MARCHF1: variants seen among roughly 807,000 people sequenced by gnomAD.
MARCHF1 encodes the protein membrane associated ring-CH-type finger 1.
MARCHF1 carries 40 observed loss-of-function variants against 54.2 expected under a neutral mutation model. That is an observed-to-expected ratio of 0.74 (90% CI 0.57 to 0.96). The LOEUF (loss-of-function observed/expected upper bound fraction) is 0.96. Among genes scored for constraint, MARCHF1 ranks in the 40% least tolerant of loss-of-function variants. MARCHF1 has a pLI of 0.00. For missense variants in MARCHF1, 586 were observed against 656.5 expected, an observed-to-expected ratio of 0.89 and a Z score of 1.17; for synonymous variants, 236 against 236.3, an observed-to-expected ratio of 1.00 and a Z score of 0.01.
chr4:164,100,450 T>C (rs1049814527), intron 2 of MARCHF1, among the ~76,000 whole-genome samples: 5 of 152,190 alleles, frequency 3.3e-5, no homozygotes, highest in Non-Finnish European at 7.4e-5. Flanking sequence ...AAAACAAATT[T>C]AATCCTGCAC....
At chr4:163,861,340 C>T (rs72685645) in intron 3 of MARCHF1, among the ~76,000 whole-genome samples, 14,816 of 151,968 alleles carry the variant, frequency 0.097, 744 homozygotes, top group African/African-American at 0.13. Flanking sequence ...AACATATGTA[C>T]AACCAGAATA....
chr4:164,212,369 G>A (rs562136901), intron 1 of MARCHF1, among the ~76,000 whole-genome samples: 2 of 152,266 alleles, frequency 1.3e-5, no homozygotes, highest in Admixed American at 1.3e-4. Context: ...AGTAAGCGAT[G>A]AGTCAGACTT....
intron 2 of MARCHF1, among the ~76,000 whole-genome samples, chr4:164,066,821 G>T (rs1330232697): frequency 2.0e-5 from 3 of 152,138 alleles, no homozygotes; most frequent in African/African-American, 7.2e-5. Flanking sequence ...TAAATGATGA[G>T]AACACATGGA....
intron 4 of MARCHF1, among the ~76,000 whole-genome samples, chr4:163,819,724 C>T (rs1748639145): frequency 6.6e-6 from 1 of 152,030 alleles, no homozygotes. Flanking sequence ...TAATGCTCTC[C>T]CCAATATTCG....
At chr4:163,657,345 C>T (rs1284578634) in intron 5 of MARCHF1, among the ~76,000 whole-genome samples, 1 of 151,958 alleles carries the variant, frequency 6.6e-6, no homozygotes, top group Non-Finnish European at 1.5e-5. Flanking sequence ...AGGAATACAG[C>T]TAAGAAGGGA....
chr4:164,245,313 G>A (rs1346207418), intron 1 of MARCHF1, among the ~76,000 whole-genome samples: 3 of 151,796 alleles, frequency 2.0e-5, no homozygotes, highest in African/African-American at 4.8e-5. Context: ...ACCAATAAAC[G>A]TAATCCAGCA....
At chr4:163,903,236 TTG>T (rs59858271) in intron 3 of MARCHF1, among the ~76,000 whole-genome samples, 143,198 of 151,194 alleles carry the variant, frequency 0.95, 68,221 homozygotes, top group Non-Finnish European at 1. Flanking sequence ...CTTCCTTCCC[TTG>T]TGTGTGTGTG....
rs1329835283 is a variant in MARCHF1 at position 163,866,377 on chromosome 4, T to C, written c.-38-12208A>G. Among the ~76,000 whole-genome samples, 4 of 149,312 alleles carry C rather than the reference T, an allele frequency of 2.7e-5. No individual in the cohort carries two copies. The South Asian group carries it at 8.4e-4, about 31-fold the overall frequency. ...GTAATTTATTTCAGGTTTCAAAATA[T>C]ACATGTAGAATGAAAATAGAGAAAA... is the stretch of plus-strand genomic sequence containing the variant. On this transcript the variant is annotated intron_variant, in intron 3 of 9. Transcript: ENST00000514618.
intron 5 of MARCHF1, among the ~76,000 whole-genome samples, chr4:163,626,327 T>C (rs934454884): frequency 6.6e-6 from 1 of 152,244 alleles, no homozygotes; most frequent in East Asian, 1.9e-4. Flanking sequence ...CTTGGCATTT[T>C]GAAAATTAAT....
At chr4:164,203,144 T>G (rs1731501738) in intron 1 of MARCHF1, among the ~76,000 whole-genome samples, 1 of 152,152 alleles carries the variant, frequency 6.6e-6, no homozygotes, top group South Asian at 2.1e-4. Flanking sequence ...TTTTATGGGA[T>G]TTTTAGAGCT....
intron 3 of MARCHF1, among the ~76,000 whole-genome samples, chr4:163,929,973 A>AATATATTATATATAAAATAT (rs1560823848): frequency 8.0e-6 from 1 of 125,396 alleles, no homozygotes; most frequent in Non-Finnish European, 1.6e-5. Flanking sequence ...AATATATATA[A>AATATATTATATATAAAATAT]TATATATAAT....
At chr4:164,052,910 C>A (rs898609514) in intron 2 of MARCHF1, among the ~76,000 whole-genome samples, 2 of 152,100 alleles carry the variant, frequency 1.3e-5, no homozygotes, top group African/African-American at 4.8e-5. Context: ...TTCAACTCAT[C>A]ATAGAACTAT....
At chr4:164,211,359 C>A (rs1731769275) in intron 1 of MARCHF1, among the ~76,000 whole-genome samples, 1 of 118,268 alleles carries the variant, frequency 8.5e-6, no homozygotes, top group African/African-American at 2.9e-5. Flanking sequence ...ATATATACCA[C>A]ATTGCAACCT....
At chr4:163,537,149 G>C (rs1365287976) in intron 9 of MARCHF1, among the ~76,000 whole-genome samples, 1 of 151,824 alleles carries the variant, frequency 6.6e-6, no homozygotes, top group African/African-American at 2.4e-5. Flanking sequence ...AGGATTGTAT[G>C]TGGAAAACTC....
intron 2 of MARCHF1, among the ~76,000 whole-genome samples, chr4:164,070,136 G>T (rs988951808): frequency 3.3e-5 from 5 of 152,134 alleles, no homozygotes; most frequent in African/African-American, 1.2e-4. Context: ...AGGGAGAAGG[G>T]TGTTGATTGA....
At chr4:163,845,985 C>A (rs1358600289) in intron 4 of MARCHF1, among the ~76,000 whole-genome samples, 3 of 152,076 alleles carry the variant, frequency 2.0e-5, no homozygotes, top group Admixed American at 6.6e-5. Context: ...TACTTTCTTA[C>A]AAAAATCAAA....
intron 1 of MARCHF1, among the ~76,000 whole-genome samples, chr4:164,326,790 G>C (rs1288777526): frequency 1.3e-5 from 2 of 152,164 alleles, no homozygotes; most frequent in Admixed American, 6.5e-5. Context: ...GGAGCTAAAA[G>C]TATAGATTCT....
At chr4:163,986,316 G>C (rs1752868535) in intron 3 of MARCHF1, among the ~76,000 whole-genome samples, 1 of 124,142 alleles carries the variant, frequency 8.1e-6, no homozygotes, top group Non-Finnish European at 1.6e-5. Context: ...CCAGGCTGGA[G>C]TGCAGTGGCG....
At chr4:163,931,742 C>T (rs139652099) in intron 3 of MARCHF1, among the ~76,000 whole-genome samples, 1 of 152,276 alleles carries the variant, frequency 6.6e-6, no homozygotes, top group Non-Finnish European at 1.5e-5. Context: ...CTTAAATACA[C>T]CAATGACAGA....
Sources: gnomAD v4.1 joint callset for allele counts (sites outside exome capture counted in the v4.1 genomes callset) on GRCh38, gnomAD v4.1.1 for gene constraint, MANE v1.5 for transcripts, NCBI Gene and HGNC (gene_info 2026-07-23, HGNC 2026-07-21) for gene names.